The following MTHFD1L variants were observed in gnomAD, a reference collection of about 807,000 sequenced individuals.
MTHFD1L encodes monofunctional C1-tetrahydrofolate synthase, mitochondrial.
MTHFD1L carries 81 observed loss-of-function variants against 119.5 expected under a neutral mutation model. The ratio of observed to expected loss-of-function variants is 0.68; its 90% CI spans 0.57 to 0.82. MTHFD1L has a LOEUF of 0.82. Among genes scored for constraint, MTHFD1L ranks in the 40% least tolerant of loss-of-function variants. The pLI, the probability that MTHFD1L is intolerant of heterozygous loss-of-function variation, is 0.00. For missense variants in MTHFD1L, 1,125 were observed against 1,253.4 expected (o/e 0.90, Z 1.55); for synonymous variants, 430 against 475.2 (o/e 0.90, Z 1.24).
At chr6:150,994,078 A>AAAGAAAGAAAGAAAGAAAG (rs1779451806) in intron 20 of MTHFD1L, among the ~76,000 whole-genome samples, 1 of 118,066 alleles carries the variant, frequency 8.5e-6, no homozygotes, top group Non-Finnish European at 1.6e-5. Flanking sequence ...AAAAAAAAAA[A>AAAGAAAGAAAGAAAGAAAG]AAGAAAGAAA....
At chr6:150,947,569 C>T (rs1450240522) in intron 15 of MTHFD1L, among the ~76,000 whole-genome samples, 1 of 151,512 alleles carries the variant, frequency 6.6e-6, no homozygotes, top group Admixed American at 6.6e-5. Flanking sequence ...CCCGTCTCTA[C>T]AAAAAATTTA....
At chr6:150,885,199 G>GT (rs34025381) in intron 5 of MTHFD1L, among the ~76,000 whole-genome samples, 9,203 of 135,010 alleles carry the variant, frequency 0.068, 298 homozygotes, top group African/African-American at 0.076. Flanking sequence ...TTTTTTATGG[G>GT]TTTTTTTTTT....
chr6:151,019,565 A>T (rs1457287073), intron 24 of MTHFD1L, among the ~76,000 whole-genome samples: 1 of 152,144 alleles, frequency 6.6e-6, no homozygotes, highest in South Asian at 2.1e-4. Context: ...TTGATAGGCG[A>T]CCTCAAGGCC....
intron 1 of MTHFD1L, among the ~76,000 whole-genome samples, chr6:150,870,778 G>A (rs1282655797): frequency 6.6e-6 from 1 of 151,698 alleles, no homozygotes; most frequent in African/African-American, 2.4e-5. Context: ...AGGCATGGTG[G>A]TGTGCGCCTG....
chr6:150,946,804 A>G (rs61703483), intron 15 of MTHFD1L, among the ~76,000 whole-genome samples: 95,248 of 151,764 alleles, frequency 0.63, 30,845 homozygotes, highest in East Asian at 0.95. Flanking sequence ...TGCCAGGCAC[A>G]GTGGCTCACG....
At chr6:151,042,852 G>A (rs1044907907) in intron 26 of MTHFD1L, among the ~76,000 whole-genome samples, 6 of 151,996 alleles carry the variant, frequency 3.9e-5, no homozygotes, top group African/African-American at 1.5e-4. Flanking sequence ...ACTACATTGG[G>A]CGTATATCAC....
At chr6:150,925,510 T>C (rs1327394871) in intron 10 of MTHFD1L, among the ~76,000 whole-genome samples, 1 of 152,222 alleles carries the variant, frequency 6.6e-6, no homozygotes, top group East Asian at 1.9e-4. Flanking sequence ...CTGTCTGAAC[T>C]TGGGCTCAGG....
chr6:150,882,716 T>C (rs778277674), intron 4 of MTHFD1L, 46 bp from the exon 5 acceptor site: 3 of 1,352,302 alleles, frequency 2.2e-6, no homozygotes, highest in Non-Finnish European at 2.9e-6. Flanking sequence ...TTGGGTCTCA[T>C]TTTCACAAAA....
chr6:151,055,597 G>A (rs373639128), intron 26 of MTHFD1L, among the ~76,000 whole-genome samples: 11 of 150,750 alleles, frequency 7.3e-5, no homozygotes, highest in African/African-American at 2.7e-4. Context: ...GCGCGATCTC[G>A]GCTCACCGCA....
intron 20 of MTHFD1L, 113 bp downstream of exon 20, chr6:150,972,171 C>G (rs1583880820): frequency 7.7e-6 from 7 of 905,776 alleles, no homozygotes; most frequent in Non-Finnish European, 1.7e-6. Flanking sequence ...TTCAGGCACC[C>G]TCTTTCATAG....
At chr6:150,983,110 A>G (rs1042378852) in intron 20 of MTHFD1L, among the ~76,000 whole-genome samples, 11 of 152,094 alleles carry the variant, frequency 7.2e-5, no homozygotes, top group African/African-American at 2.4e-4. Flanking sequence ...TGAATTGTCT[A>G]TTTTGTATTG....
At chr6:151,090,714 C>T (rs551313874) in intron 26 of MTHFD1L, among the ~76,000 whole-genome samples, 17 of 152,090 alleles carry the variant, frequency 1.1e-4, no homozygotes, top group Non-Finnish European at 1.0e-4. Flanking sequence ...GCTGGCACAT[C>T]GCAGCCTCAT....
At chr6:150,909,635 T>C (rs1786527565) in intron 8 of MTHFD1L, among the ~76,000 whole-genome samples, 1 of 152,220 alleles carries the variant, frequency 6.6e-6, no homozygotes, top group African/African-American at 2.4e-5. Context: ...AAAATCATTT[T>C]GTACCCTAAA....
chr6:151,046,870 T>A (rs777746555), intron 26 of MTHFD1L, among the ~76,000 whole-genome samples: 6 of 152,012 alleles, frequency 3.9e-5, no homozygotes, highest in Non-Finnish European at 7.4e-5. Context: ...GAAGCCTGAA[T>A]AAAAAGAGAA....
At chr6:150,928,483 T>G (rs1397969380) in intron 11 of MTHFD1L, among the ~76,000 whole-genome samples, 1 of 150,934 alleles carries the variant, frequency 6.6e-6, no homozygotes, top group Non-Finnish European at 1.5e-5. Flanking sequence ...TATAGTGATT[T>G]CTTCAAATCC....
At chr6:150,869,474 G>C (rs939175598) in intron 1 of MTHFD1L, among the ~76,000 whole-genome samples, 7 of 152,120 alleles carry the variant, frequency 4.6e-5, no homozygotes, top group Non-Finnish European at 8.8e-5. Flanking sequence ...ATGGTTTCCA[G>C]CTTCTTCCAT....
chr6:151,076,236 G>GTCTTAA (rs1792499009), intron 26 of MTHFD1L, among the ~76,000 whole-genome samples: 1 of 83,294 alleles, frequency 1.2e-5, no homozygotes, highest in African/African-American at 3.3e-5. Context: ...TGGTGGCCTA[G>GTCTTAA]CTGCTCACTT....
At chr6:151,073,117 G>A (rs78280804) in intron 26 of MTHFD1L, among the ~76,000 whole-genome samples, 6,405 of 152,234 alleles carry the variant, frequency 0.042, 189 homozygotes, top group Middle Eastern at 0.078. Context: ...CTGTCTCCCT[G>A]AGTTGAAGAC....
intron 10 of MTHFD1L, among the ~76,000 whole-genome samples, chr6:150,923,691 C>T (rs568908101): frequency 6.6e-6 from 1 of 151,272 alleles, no homozygotes; most frequent in Admixed American, 6.6e-5. Flanking sequence ...TACCTGATAA[C>T]CAGTTGCTTT....
Sources: gnomAD v4.1 joint callset for allele counts (sites outside exome capture counted in the v4.1 genomes callset) on GRCh38, gnomAD v4.1.1 for gene constraint, MANE v1.5 for transcripts, NCBI Gene and HGNC (gene_info 2026-07-23, HGNC 2026-07-21) for gene names.